VSIG4: variants seen among roughly 807,000 people sequenced by gnomAD.
The protein encoded by VSIG4 is V-set and immunoglobulin domain containing 4.
In VSIG4, 34 loss-of-function variants were observed where a neutral mutation model predicts 23.4. The observed-to-expected ratio is 1.45, with a 90% CI of 1.10 to 1.93. The LOEUF (loss-of-function observed/expected upper bound fraction) is 1.93. Among genes scored for constraint, VSIG4 ranks in the 30% most tolerant of loss-of-function variants. VSIG4 has a pLI of 0.00. For synonymous variants in VSIG4, 169 were observed against 120.3 expected (o/e 1.41, Z -2.65); for missense variants, 433 against 310.8 (o/e 1.39, Z -2.96).
At chrX:66,032,882 G>A in intron 2 of VSIG4, 133 bp from the exon 3 acceptor site, 1 of 699,674 alleles carries the variant, frequency 1.4e-6, no homozygotes, top group Non-Finnish European at 2.1e-6. Context: ...TCTGACTTTG[G>A]AGGAAATAAG....
At position 66,022,204 on chromosome X, in the gene VSIG4, C is replaced by G. The variant is rs777305404; in HGVS notation, c.*59G>C. ...AGAGGTAGCAGGGAAGAAGGCCATG[C>G]AGAAGGCAAGGACTGACTAGGCAAT... On this transcript the variant is annotated 3_prime_UTR_variant, in exon 8 of 8. Transcript: ENST00000374737. 5.8e-6 allele frequency: 7 copies of G among 1,211,495 alleles called. No homozygotes were observed. In the South Asian group the frequency reaches 1.1e-4, roughly 18 times the overall value.
At chrX:66,023,534 C>G (rs763200420) in intron 6 of VSIG4, among the ~76,000 whole-genome samples, 4 of 112,503 alleles carry the variant, frequency 3.6e-5, no homozygotes, top group Non-Finnish European at 7.5e-5. Context: ...GGACTTCTGC[C>G]TTATGGTAGA....
At chrX:66,034,757 C>G (rs1174974068) in intron 1 of VSIG4, among the ~76,000 whole-genome samples, 1 of 53,611 alleles carries the variant, frequency 1.9e-5, no homozygotes, top group Non-Finnish European at 3.0e-5. Context: ...AGAAGGAAAC[C>G]CTTGGGGATG....
At chrX:66,030,549 C>T (rs1161274567) in intron 3 of VSIG4, among the ~76,000 whole-genome samples, 1 of 110,198 alleles carries the variant, frequency 9.1e-6, no homozygotes, top group South Asian at 3.8e-4. Flanking sequence ...GCAAAGCATA[C>T]CTTACTCTGA....
chrX:66,022,445 C>T lies in VSIG4; in HGVS notation c.1018G>A (p.Ala340Thr), dbSNP rs768403951. 3.2e-5 allele frequency: 39 copies of T among 1,210,708 alleles called. No individual in the cohort carries two copies. The highest frequency in any genetic ancestry group is 2.3e-4 in the Middle Eastern group (1 of 4,293). The change falls in exon 8 of 8, where the codon GCA becomes ACA. Residue 340 changes from alanine to threonine, a missense_variant. Physicochemically the swap from Ala to Thr is moderately conservative, Grantham distance 58. Transcript: ENST00000374737. The part of the protein sequence containing the change: ...SGETMRVAIF[A>T]SGCSSDEPTS... ...GGCTCATCACTGGAGCAGCCACTTG[C>T]GAAGATGGCCACCCTCATGGTTTCT... is the stretch of plus-strand genomic sequence containing the variant.
chrX:66,028,231 C>T (rs1057500469), intron 3 of VSIG4, 119 bp from the exon 4 acceptor site: 1 of 560,752 alleles, frequency 1.8e-6, no homozygotes, highest in Non-Finnish European at 3.1e-6. Context: ...CCTGCCTCAA[C>T]ACTTCTGTCA....
In VSIG4 at chrX:66,032,744, CAG is replaced by C; in HGVS notation, c.416_417del (p.Ser139CysfsTer23). ...KITELRVQKL[S>X]VSKPTVTTGS... ...CCAGTTGTCACTGTGGGCTTGGAGA[CAG>C]AGACTGCAAAGAAAAGACAAGACAG... On this transcript the variant is annotated frameshift_variant, in exon 3 of 8. Transcript: ENST00000374737. LOFTEE classifies it high-confidence loss of function. 1 of 1,209,214 alleles carries C rather than the reference CAG, an allele frequency of 8.3e-7. No individual in the cohort carries two copies. Among genetic ancestry groups the C allele is most frequent in the Non-Finnish European group, 1.1e-6 (1 of 894,346 alleles).
intron 1 of VSIG4, among the ~76,000 whole-genome samples, chrX:66,039,061 C>A (rs1354801257): frequency 1.8e-5 from 2 of 111,810 alleles, no homozygotes; most frequent in Non-Finnish European, 3.8e-5. Context: ...GAAATAATGC[C>A]ACTATGGAAT....
At chrX:66,037,742 AACTTATTACTGATACGTATATAT>A (rs2147681231) in intron 1 of VSIG4, among the ~76,000 whole-genome samples, 2 of 55,507 alleles carry the variant, frequency 3.6e-5, no homozygotes, top group South Asian at 1.0e-3. Context: ...TAAGTATATA[AACTTATTACTGATACGTATATAT>A]ACTTATTGCT....
chrX:66,022,143 G>A lies in VSIG4; in HGVS notation c.*120C>T, dbSNP rs1027252660. On this transcript the variant is annotated 3_prime_UTR_variant, in exon 8 of 8. Coordinates refer to ENST00000374737, the MANE Select transcript of VSIG4 (RefSeq NM_007268.3). Reference sequence around the variant, plus strand: ...AAGCCAGTGACTCCCAGCGGCTCCAGTGTTGGTAGGCGGACACTTTGGGCT... The same window carrying A: ...AAGCCAGTGACTCCCAGCGGCTCCAATGTTGGTAGGCGGACACTTTGGGCT... 1.7e-6 allele frequency: 2 copies of A among 1,198,391 alleles called. No individual in the cohort carries two copies. Among genetic ancestry groups the A allele is most frequent in the Non-Finnish European group, 2.3e-6 (2 of 888,533 alleles).
chrX:66,026,087 T>G (rs751697782), intron 5 of VSIG4, among the ~76,000 whole-genome samples: 3 of 112,147 alleles, frequency 2.7e-5, no homozygotes, highest in Non-Finnish European at 5.6e-5. Context: ...TCACTAGGCC[T>G]TAGTTACCCC....
Position 66,032,461 on chromosome X carries a change from C to T in VSIG4, c.694+7G>A, listed in dbSNP as rs202001357. The stretch of plus-strand genomic sequence containing the variant: ...TAAGATGCTCACCAGGAAAGAGGGC[C>T]GCTCACCTTTGACCACAAACTTCAC... On this transcript the variant is annotated splice_region_variant and intron_variant, in intron 3 of 7. Coordinates refer to ENST00000374737, the MANE Select transcript of VSIG4 (RefSeq NM_007268.3). The T allele has an allele frequency of 1.0e-4, 125 of 1,202,453 alleles. No homozygotes were observed. Among genetic ancestry groups the T allele is most frequent in the South Asian group, 1.0e-3 (57 of 56,321 alleles).
At chrX:66,030,034 G>A (rs776807182) in intron 3 of VSIG4, among the ~76,000 whole-genome samples, 24 of 111,853 alleles carry the variant, frequency 2.1e-4, no homozygotes, top group Non-Finnish European at 3.9e-4. Context: ...TTACAATTAA[G>A]GAGTGAATGA....
chrX:66,033,811 C>T lies in VSIG4; in HGVS notation c.75G>A (p.Val25=). The T allele has an allele frequency of 1.7e-6, 2 of 1,207,014 alleles. No homozygotes were observed. The highest frequency in any genetic ancestry group is 2.2e-6 in the Non-Finnish European group (2 of 892,847). The change falls in exon 2 of 8, where the codon GTG becomes GTA. Residue 25 remains valine, a synonymous_variant. Transcript: ENST00000374737. ...TCCAAGGTCCTGTTACACTCTCTGG[C>T]ACTTCCAGGATGGGACGGCCTGAAG... ...VDTYGRPILE[V]PESVTGPWKG...
At chrX:66,029,356 G>A (rs915175445) in intron 3 of VSIG4, among the ~76,000 whole-genome samples, 3 of 110,868 alleles carry the variant, frequency 2.7e-5, no homozygotes, top group Admixed American at 9.6e-5. Flanking sequence ...GATTTTCAAA[G>A]GTAAGGCAAT....
intron 1 of VSIG4, among the ~76,000 whole-genome samples, chrX:66,037,453 TATA>T (rs1365338801): frequency 3.0e-4 from 3 of 10,073 alleles, no homozygotes; most frequent in African/African-American, 1.5e-3. Context: ...AATATAATTA[TATA>T]ATAATATAAT....
chrX:66,025,992 C>G (rs772307401), intron 5 of VSIG4, among the ~76,000 whole-genome samples: 39 of 112,138 alleles, frequency 3.5e-4, no homozygotes, highest in African/African-American at 1.3e-3. Context: ...TATATTTATG[C>G]TGTTTTAAGA....
At chrX:66,023,415 G>T (rs2085355409) in intron 6 of VSIG4, among the ~76,000 whole-genome samples, 1 of 112,085 alleles carries the variant, frequency 8.9e-6, no homozygotes, top group African/African-American at 3.2e-5. Flanking sequence ...TTAGGTTGGT[G>T]CAAAGACAGA....
At chrX:66,026,296 G>C (rs1003927913) in intron 5 of VSIG4, among the ~76,000 whole-genome samples, 6 of 112,065 alleles carry the variant, frequency 5.4e-5, no homozygotes, top group African/African-American at 1.6e-4. Context: ...GTGGTCCTCA[G>C]AGTGTCTTGT....
Sources: allele counts gnomAD v4.1 joint callset (sites outside exome capture counted in the v4.1 genomes callset), GRCh38; gene constraint gnomAD v4.1.1; transcripts MANE v1.5; gene names NCBI Gene and HGNC (gene_info 2026-07-23, HGNC 2026-07-21).